CTH: variants seen among roughly 807,000 people sequenced by gnomAD.
CTH encodes cystathionase (cystathionine gamma-lyase).
CTH carries 41 observed loss-of-function variants against 50.6 expected under a neutral mutation model. The ratio of observed to expected loss-of-function variants is 0.81; its 90% confidence interval spans 0.63 to 1.05. The LOEUF is 1.05. Among genes scored for constraint, CTH ranks in the 50% least tolerant of loss-of-function variants. The probability of loss-of-function intolerance (pLI) is 0.00; values close to 1 mark genes in which losing one functional copy is unlikely to be tolerated. For missense variants in CTH, 470 were observed against 492.6 expected (o/e 0.95, Z 0.43); for synonymous variants, 156 against 168.9 (o/e 0.92, Z 0.59).
chr1:70,426,409 A>G (rs918595884), intron 5 of CTH, among the ~76,000 whole-genome samples: 1 of 152,100 alleles, frequency 6.6e-6, no homozygotes. Context: ...TGGCTCTTCA[A>G]TTGGGCAGAT....
intron 3 of CTH, 27 bp from the exon 4 acceptor site, chr1:70,421,539 A>G: frequency 6.2e-7 from 1 of 1,607,042 alleles, no homozygotes; most frequent in Non-Finnish European, 8.5e-7. Context: ...TGTTCTTTTC[A>G]TTTTATCTGA....
intron 5 of CTH, among the ~76,000 whole-genome samples, chr1:70,428,926 C>T (rs1262164190): frequency 1.3e-5 from 2 of 151,358 alleles, no homozygotes; most frequent in Non-Finnish European, 2.9e-5. Flanking sequence ...TTCTTTCTTT[C>T]TTGTTGTTTT....
rs1406311441 is a variant in CTH, at chr1:70,438,816, T to C, written c.1181T>C (p.Leu394Ser). 3.1e-6 allele frequency: 5 copies of C among 1,611,596 alleles called. No individual in the cohort carries two copies. The highest frequency in any genetic ancestry group is 4.2e-6 in the Non-Finnish European group (5 of 1,179,708). ...EDLLEDLDQA[L>S]KAAHPPSGSH... The stretch of plus-strand genomic sequence containing the variant: ...CTACTGGAAGATCTAGATCAAGCTT[T>C]GAAGGCAGCAGTAAGTCTTATTATT... Residue 394 changes from leucine to serine, a missense_variant, in exon 11 of 12, where the codon TTG (leucine) becomes TCG (serine). By Grantham distance (145) the Leu-to-Ser change is moderately radical (BLOSUM62 -2). Coordinates refer to ENST00000370938, the MANE Select transcript of CTH (RefSeq NM_001902.6).
intron 4 of CTH, 92 bp from the exon 5 acceptor site, chr1:70,424,193 A>C: frequency 6.2e-7 from 1 of 1,602,864 alleles, no homozygotes. Flanking sequence ...TTTCCATTAT[A>C]CAATGTAGCT....
chr1:70,425,158 C>T (rs553065281), intron 5 of CTH, among the ~76,000 whole-genome samples: 1 of 152,060 alleles, frequency 6.6e-6, no homozygotes, highest in South Asian at 2.1e-4. Flanking sequence ...TTCTCTTCTT[C>T]TAGTTTTTAT....
rs769707444 is a variant in CTH at position 70,438,822 on chromosome 1, C to G, written c.1187C>G (p.Ala396Gly). Reference sequence around the variant, plus strand: ...GAAGATCTAGATCAAGCTTTGAAGGCAGCAGTAAGTCTTATTATTGTGTGT... The same window carrying G: ...GAAGATCTAGATCAAGCTTTGAAGGGAGCAGTAAGTCTTATTATTGTGTGT... ...LLEDLDQALKAAHPPSGSHS is the reference protein window; with the variant it reads ...LLEDLDQALKGAHPPSGSHS The change falls in exon 11 of 12, where the codon GCA (alanine) becomes GGA (glycine). Residue 396 changes from alanine to glycine, a missense_variant. Ala to Gly is a moderately conservative substitution (Grantham distance 60). Transcript: ENST00000370938. The G allele has an allele frequency of 1.9e-6, 3 of 1,606,650 alleles. No homozygotes were observed.
At chr1:70,413,558 C>T (rs1304277676) in intron 1 of CTH, among the ~76,000 whole-genome samples, 1 of 151,390 alleles carries the variant, frequency 6.6e-6, no homozygotes, top group African/African-American at 2.4e-5. Context: ...GCCACGGCGC[C>T]CGGCTCACAG....
chr1:70,422,845 T>C (rs996687085), intron 4 of CTH, among the ~76,000 whole-genome samples: 1 of 151,912 alleles, frequency 6.6e-6, no homozygotes, highest in Non-Finnish European at 1.5e-5. Context: ...CTCCTGACCT[T>C]GTGATCCGCC....
Position 70,433,742 on chromosome 1 carries a change from A to G in CTH, c.878-86A>G, listed in dbSNP as rs999324952. ...CTCGTCTTAGGCTTATTTGCAGTTAAGTAGACAGTGAAAAATACCACCCTC... is the reference window on the plus strand; with the variant it reads ...CTCGTCTTAGGCTTATTTGCAGTTAGGTAGACAGTGAAAAATACCACCCTC... On this transcript the variant is annotated intron_variant, in intron 8 of 11. Coordinates refer to ENST00000370938, the MANE Select transcript of CTH (RefSeq NM_001902.6). 100 of 1,587,456 alleles carry G rather than the reference A, an allele frequency of 6.3e-5. 1 individual carries two copies. The South Asian group carries it at 7.9e-4, about 13-fold the overall frequency.
At chr1:70,414,643 G>T (rs1375114587) in intron 1 of CTH, among the ~76,000 whole-genome samples, 1 of 152,078 alleles carries the variant, frequency 6.6e-6, no homozygotes, top group Non-Finnish European at 1.5e-5. Context: ...TGAAGCAGAG[G>T]GAGAAAATTA....
In CTH at chr1:70,438,840, T is replaced by TTTTG. The variant is rs3221630; in HGVS notation, c.1191+15_1191+16insTTGT. 3.9e-6 allele frequency: 6 copies of TTTTG among 1,557,750 alleles called. No individual in the cohort carries two copies. The highest frequency in any genetic ancestry group is 1.7e-5 in the Admixed American group (1 of 57,530). On this transcript the variant is annotated intron_variant, in intron 11 of 11. Transcript: ENST00000370938. ...TTGAAGGCAGCAGTAAGTCTTATTA[T>TTTTG]TGTGTGTGTGTGTGTGTGTGTGTGT...
Position 70,421,661 on chromosome 1 carries a change from A to G in CTH, c.442A>G (p.Thr148Ala). The change falls in exon 4 of 12, where the codon ACA becomes GCA. Residue 148 changes from threonine to alanine, a missense_variant. Transcript: ENST00000370938. ...SKIKLLEAAI[T>A]PETKLVWIET... is the part of the protein sequence containing the mutation. The stretch of plus-strand genomic sequence containing the variant: ...AATCAAATTACTAGAGGCAGCAATT[A>G]CACCAGAAACCAAGGTAACTCAGCT... The G allele has an allele frequency of 1.9e-6, 3 of 1,613,952 alleles. No individual in the cohort carries two copies. Among genetic ancestry groups the G allele is most frequent in the Non-Finnish European group, 2.5e-6 (3 of 1,179,904 alleles).
chr1:70,421,418 A>T (rs995408245), intron 3 of CTH, 148 bp from the exon 4 acceptor site: 3 of 806,496 alleles, frequency 3.7e-6, no homozygotes, highest in African/African-American at 3.5e-5. Flanking sequence ...AGATAGCCAA[A>T]CTATTTAACC....
rs763437497 is a variant in CTH at position 70,435,178 on chromosome 1, G to GT, written c.1052+2dup. On this transcript the variant is annotated splice_donor_variant, in intron 10 of 11. Transcript: ENST00000370938. LOFTEE classifies it high-confidence loss of function. ...GATTCGAAAGCCTTGCTGAGCTTCC[G>GT]TAAGTATAGTTCTGTTTTTCTCAGT... The GT allele has an allele frequency of 1.9e-6, 3 of 1,612,062 alleles. No individual in the cohort carries two copies. Among genetic ancestry groups the GT allele is most frequent in the Non-Finnish European group, 2.5e-6 (3 of 1,178,900 alleles).
At chr1:70,432,776 C>T (rs953997212) in intron 8 of CTH, among the ~76,000 whole-genome samples, 3 of 149,832 alleles carry the variant, frequency 2.0e-5, no homozygotes, top group Non-Finnish European at 4.4e-5. Context: ...CTCTGCCTCC[C>T]GGGTTCAAGT....
At chr1:70,435,213 T>G (rs1180340776) in intron 10 of CTH, 36 bp downstream of exon 10, 1 of 1,575,528 alleles carries the variant, frequency 6.3e-7, no homozygotes, top group Admixed American at 1.7e-5. Context: ...TATTTTAAAT[T>G]TGATGTCAGC....
chr1:70,417,407 C>T (rs932169225), intron 2 of CTH, among the ~76,000 whole-genome samples: 2 of 152,058 alleles, frequency 1.3e-5, no homozygotes, highest in Non-Finnish European at 2.9e-5. Flanking sequence ...GCCTCAGTCT[C>T]CCTCGTAGCT....
chr1:70,414,112 G>A (rs1281332748), intron 1 of CTH, among the ~76,000 whole-genome samples: 1 of 151,980 alleles, frequency 6.6e-6, no homozygotes, highest in Admixed American at 6.6e-5. Flanking sequence ...TGTGGCAGAA[G>A]CCACGTGAAT....
intron 5 of CTH, among the ~76,000 whole-genome samples, chr1:70,427,291 C>G (rs945948176): frequency 6.6e-6 from 1 of 152,158 alleles, no homozygotes; most frequent in Non-Finnish European, 1.5e-5. Context: ...AGTCCTGGCT[C>G]TACCAGCTTT....
Sources: gnomAD v4.1 joint callset for allele counts (sites outside exome capture counted in the v4.1 genomes callset) on GRCh38, gnomAD v4.1.1 for gene constraint, MANE v1.5 for transcripts, NCBI Gene and HGNC (gene_info 2026-07-23, HGNC 2026-07-21) for gene names.